RBM6: variants seen among roughly 807,000 people sequenced by gnomAD.
RBM6 encodes the protein RNA binding motif protein 6, also known as RNA-binding protein 6.
RBM6 carries 23 observed loss-of-function variants against 140.4 expected under a neutral mutation model. That is an observed-to-expected ratio of 0.16 (90% CI 0.12 to 0.23). The LOEUF (loss-of-function observed/expected upper bound fraction) is 0.23. RBM6 is among the 10% of genes least tolerant of loss of function. RBM6 has a pLI of 1.00. For missense variants in RBM6, 1,139 were observed against 1,386.7 expected (o/e 0.82, Z 2.84); for synonymous variants, 439 against 475.6 (o/e 0.92, Z 1.00).
intron 1 of RBM6, among the ~76,000 whole-genome samples, chr3:49,945,881 CAAAAA>C (rs67271820): frequency 6.5e-5 from 4 of 61,924 alleles, no homozygotes; most frequent in East Asian, 1.1e-3. Context: ...GACTCCATCT[CAAAAA>C]AAAAAAAAAA....
chr3:50,061,580 T>TTC, intron 14 of RBM6, 33 bp downstream of exon 14: 1 of 1,563,780 alleles, frequency 6.4e-7, no homozygotes, highest in South Asian at 1.2e-5. Context: ...TTTTTTTTTT[T>TTC]TTTTACCTCT....
chr3:49,954,137 G>GAA (rs34880436), intron 1 of RBM6, among the ~76,000 whole-genome samples: 2,988 of 137,120 alleles, frequency 0.022, 129 homozygotes, highest in African/African-American at 0.076. Context: ...TAAGGTCTCA[G>GAA]AAAAAAAAAA....
At chr3:49,946,149 A>G (rs538989648) in intron 1 of RBM6, among the ~76,000 whole-genome samples, 116 of 151,998 alleles carry the variant, frequency 7.6e-4, no homozygotes, top group Middle Eastern at 3.4e-3. Flanking sequence ...ACTCCATGGT[A>G]TTTTGTTATG....
intron 6 of RBM6, among the ~76,000 whole-genome samples, chr3:50,016,322 C>T (rs2087144107): frequency 6.6e-6 from 1 of 152,134 alleles, no homozygotes; most frequent in Admixed American, 6.5e-5. Context: ...TTACATACCA[C>T]ATTTTCATTA....
At chr3:50,001,569 C>T (rs928081236) in intron 6 of RBM6, among the ~76,000 whole-genome samples, 2 of 151,994 alleles carry the variant, frequency 1.3e-5, no homozygotes, top group Admixed American at 6.6e-5. Context: ...ATGCAAATAC[C>T]ATGTGATTTT....
At chr3:50,036,318 G>A (rs759192044) in intron 6 of RBM6, among the ~76,000 whole-genome samples, 9 of 152,222 alleles carry the variant, frequency 5.9e-5, no homozygotes, top group Non-Finnish European at 1.2e-4. Context: ...GGTTACGTCT[G>A]TGATAGATTG....
intron 3 of RBM6, among the ~76,000 whole-genome samples, chr3:49,969,841 T>C (rs1276118916): frequency 1.3e-5 from 2 of 151,962 alleles, no homozygotes; most frequent in Admixed American, 1.3e-4. Flanking sequence ...CGATCTCAGC[T>C]CACTGCAACC....
Position 49,968,154 on chromosome 3 carries a change from T to C in RBM6, c.729T>C (p.Thr243=). The change falls in exon 3 of 21, where the codon ACT becomes ACC. Residue 243 remains threonine, a synonymous_variant. Transcript: ENST00000266022. The part of the protein sequence containing the change: ...VDFRGRGSGT[T]DLDFRDRDTP... ...TTAGAGGCCGAGGTTCAGGTACTAC[T>C]GATCTAGACTTTAGGGACAGGGATA... 2 of 1,614,162 alleles carry C rather than the reference T, an allele frequency of 1.2e-6. No homozygotes were observed. The highest frequency in any genetic ancestry group is 1.7e-6 in the Non-Finnish European group (2 of 1,180,028).
chr3:50,070,605 A>G, intron 19 of RBM6, 53 bp downstream of exon 19: 1 of 1,271,870 alleles, frequency 7.9e-7, no homozygotes, highest in Non-Finnish European at 1.1e-6. Context: ...TGATAAAACC[A>G]CCTCCTCCTT....
At chr3:50,008,096 T>C (rs1325916801) in intron 6 of RBM6, among the ~76,000 whole-genome samples, 1 of 152,036 alleles carries the variant, frequency 6.6e-6, no homozygotes, top group Non-Finnish European at 1.5e-5. Context: ...ATGCTGTCTC[T>C]CAAAGCAAAA....
chr3:50,034,625 G>A (rs896133913), intron 6 of RBM6, among the ~76,000 whole-genome samples: 1 of 152,116 alleles, frequency 6.6e-6, no homozygotes, highest in African/African-American at 2.4e-5. Flanking sequence ...GCCGGGTGTA[G>A]TAGCGCATGC....
intron 6 of RBM6, among the ~76,000 whole-genome samples, chr3:50,039,816 G>A (rs557938589): frequency 1.3e-5 from 2 of 152,286 alleles, no homozygotes; most frequent in South Asian, 4.1e-4. Flanking sequence ...ATAGAGTCTT[G>A]TCTTCTCACA....
At chr3:49,971,120 G>T (rs1181143968) in intron 3 of RBM6, among the ~76,000 whole-genome samples, 2 of 150,506 alleles carry the variant, frequency 1.3e-5, no homozygotes, top group Non-Finnish European at 1.5e-5. Context: ...TACAAAATTA[G>T]CTGGGCGTAG....
At chr3:50,065,534 G>A (rs1195579752) in intron 16 of RBM6, 1 of 458,498 alleles carries the variant, frequency 2.2e-6, no homozygotes, top group Admixed American at 2.3e-5. Context: ...TATAGTTTCT[G>A]CCTGTTCAGA....
intron 1 of RBM6, among the ~76,000 whole-genome samples, chr3:49,948,738 C>G (rs1375867708): frequency 6.7e-6 from 1 of 148,972 alleles, no homozygotes; most frequent in Non-Finnish European, 1.5e-5. Flanking sequence ...AAAAGAATTG[C>G]TTGAACCCAG....
chr3:50,062,503 A>C (rs1379315345), intron 15 of RBM6, among the ~76,000 whole-genome samples: 1 of 120,078 alleles, frequency 8.3e-6, no homozygotes, highest in African/African-American at 2.7e-5. Context: ...ACTCTGTATC[A>C]AAAAAAAAAA....
intron 7 of RBM6, among the ~76,000 whole-genome samples, chr3:50,053,324 G>T (rs1214916574): frequency 1.3e-5 from 2 of 152,130 alleles, no homozygotes; most frequent in East Asian, 3.9e-4. Flanking sequence ...CTGAGGTCGG[G>T]AGTTCGAGAC....
intron 2 of RBM6, among the ~76,000 whole-genome samples, chr3:49,964,810 C>T (rs2084435121): frequency 6.6e-6 from 1 of 152,070 alleles, no homozygotes; most frequent in African/African-American, 2.4e-5. Context: ...GTTAATTTAG[C>T]TTTATTGTCT....
At chr3:49,957,223 A>G (rs1475152024) in intron 1 of RBM6, among the ~76,000 whole-genome samples, 3 of 151,816 alleles carry the variant, frequency 2.0e-5, no homozygotes, top group African/African-American at 4.8e-5. Flanking sequence ...GCCTCAAGCA[A>G]TCGGCTTCCT....
Sources: allele counts gnomAD v4.1 joint callset (sites outside exome capture counted in the v4.1 genomes callset), GRCh38; gene constraint gnomAD v4.1.1; transcripts MANE v1.5; gene names NCBI Gene and HGNC (gene_info 2026-07-23, HGNC 2026-07-21).